L3MBTL4: variants seen among roughly 807,000 people sequenced by gnomAD.
The protein encoded by L3MBTL4 is lethal(3)malignant brain tumor-like protein 4.
Under a neutral mutation model 84.5 loss-of-function variants are expected in L3MBTL4, and 70 were observed. The ratio of observed to expected loss-of-function variants is 0.83; its 90% CI spans 0.68 to 1.01. The LOEUF (loss-of-function observed/expected upper bound fraction) is 1.01, where lower values mean the gene tolerates loss of function less well. Among genes scored for constraint, L3MBTL4 ranks in the 50% least tolerant of loss-of-function variants. L3MBTL4 has a pLI of 0.00. For missense variants in L3MBTL4, 715 were observed against 754.8 expected (o/e 0.95, Z 0.62); for synonymous variants, 274 against 259.8 (o/e 1.05, Z -0.52).
At chr18:6,305,569 C>T (rs915212438) in intron 3 of L3MBTL4, among the ~76,000 whole-genome samples, 3 of 152,112 alleles carry the variant, frequency 2.0e-5, no homozygotes, top group Non-Finnish European at 2.9e-5. Flanking sequence ...ACCATTACTG[C>T]GATTTCTCAG....
In L3MBTL4 at chr18:6,075,182, C is replaced by T. The variant is rs539219671; in HGVS notation, c.1444+5699G>A. The stretch of plus-strand genomic sequence containing the variant: ...TGTATGATGTGTGTGTGTAAGTGAA[C>T]AAGCTGATAAGAAATGTAAAGGAAC... On this transcript the variant is annotated intron_variant, in intron 16 of 18. Coordinates refer to ENST00000317931, the MANE Select transcript of L3MBTL4 (RefSeq NM_001330559.2). Among the ~76,000 whole-genome samples, 4 of 152,122 alleles carry T rather than the reference C, an allele frequency of 2.6e-5. No homozygotes were observed. The South Asian group carries it at 8.3e-4, about 32-fold the overall frequency.
chr18:6,233,032 C>T (rs1027402414), intron 10 of L3MBTL4, among the ~76,000 whole-genome samples: 6 of 152,114 alleles, frequency 3.9e-5, no homozygotes, highest in South Asian at 4.1e-4. Context: ...AATCAATAAA[C>T]GTAATCCAGC....
chr18:6,169,973 A>T (rs1436089111), intron 13 of L3MBTL4, among the ~76,000 whole-genome samples: 1 of 152,192 alleles, frequency 6.6e-6, no homozygotes, highest in Non-Finnish European at 1.5e-5. Context: ...AGAATGTCAC[A>T]TTATTTCCTG....
intron 5 of L3MBTL4, among the ~76,000 whole-genome samples, chr18:6,249,489 T>A (rs926506536): frequency 6.6e-6 from 1 of 152,208 alleles, no homozygotes; most frequent in African/African-American, 2.4e-5. Context: ...GGTTTCCCAA[T>A]GGAACATTTG....
At chr18:6,055,386 T>G (rs1257995189) in intron 16 of L3MBTL4, among the ~76,000 whole-genome samples, 4 of 152,326 alleles carry the variant, frequency 2.6e-5, no homozygotes, top group South Asian at 2.1e-4. Context: ...AAGGCTGGGA[T>G]AGAGGTGTAG....
At chr18:6,011,647 C>A (rs1178542441) in intron 16 of L3MBTL4, among the ~76,000 whole-genome samples, 4 of 152,192 alleles carry the variant, frequency 2.6e-5, no homozygotes, top group Admixed American at 6.5e-5. Flanking sequence ...GTGAAGGCAG[C>A]GACATATCAT....
intron 12 of L3MBTL4, among the ~76,000 whole-genome samples, chr18:6,189,486 T>C (rs1299904211): frequency 2.6e-5 from 4 of 152,178 alleles, no homozygotes; most frequent in Admixed American, 6.5e-5. Flanking sequence ...TTGGCTCTTT[T>C]ATTCACAACA....
chr18:6,294,821 G>A (rs1287846534), intron 4 of L3MBTL4, among the ~76,000 whole-genome samples: 2 of 152,212 alleles, frequency 1.3e-5, no homozygotes, highest in Non-Finnish European at 2.9e-5. Context: ...GAGAGACTTA[G>A]TATTGTCTTC....
At chr18:6,269,943 G>T (rs555030335) in intron 4 of L3MBTL4, among the ~76,000 whole-genome samples, 1 of 152,286 alleles carries the variant, frequency 6.6e-6, no homozygotes, top group South Asian at 2.1e-4. Context: ...CATTCTTAAG[G>T]ATACAACCAG....
intron 16 of L3MBTL4, among the ~76,000 whole-genome samples, chr18:5,988,109 G>A (rs1307321143): frequency 6.6e-6 from 1 of 152,226 alleles, no homozygotes; most frequent in Non-Finnish European, 1.5e-5. Context: ...AGCTGCCAGA[G>A]ATGGCAGAGA....
At chr18:5,976,984 G>A (rs2052966378) in intron 16 of L3MBTL4, among the ~76,000 whole-genome samples, 1 of 152,074 alleles carries the variant, frequency 6.6e-6, no homozygotes, top group Admixed American at 6.5e-5. Flanking sequence ...GGAGTCTCTG[G>A]ACTCCGGAGG....
At chr18:5,978,808 G>A (rs762274890) in intron 16 of L3MBTL4, among the ~76,000 whole-genome samples, 18 of 152,188 alleles carry the variant, frequency 1.2e-4, no homozygotes, top group Admixed American at 4.6e-4. Context: ...GTTAGCCCTG[G>A]CTTCAGCTAT....
At chr18:6,238,109 A>G in intron 9 of L3MBTL4, 69 bp from the exon 10 acceptor site, 7 of 1,321,796 alleles carry the variant, frequency 5.3e-6, no homozygotes, top group Non-Finnish European at 7.7e-6. Context: ...AAGAGTAACA[A>G]TCATTCTGGA....
intron 1 of L3MBTL4, among the ~76,000 whole-genome samples, chr18:6,317,295 T>C (rs1319864091): frequency 1.3e-5 from 2 of 152,002 alleles, no homozygotes; most frequent in African/African-American, 4.8e-5. Flanking sequence ...AAAGGTTGAT[T>C]ACTAAGCTAC....
At chr18:6,006,528 T>C (rs2054495455) in intron 16 of L3MBTL4, among the ~76,000 whole-genome samples, 1 of 152,096 alleles carries the variant, frequency 6.6e-6, no homozygotes, top group Non-Finnish European at 1.5e-5. Flanking sequence ...TTCTCACTAA[T>C]ATAAAAAAAC....
intron 4 of L3MBTL4, among the ~76,000 whole-genome samples, chr18:6,285,648 T>C (rs2049539821): frequency 6.6e-6 from 1 of 151,996 alleles, no homozygotes; most frequent in South Asian, 2.1e-4. Context: ...CAAGCCCTGC[T>C]GCTGAAGTCA....
intron 13 of L3MBTL4, among the ~76,000 whole-genome samples, chr18:6,151,308 C>T (rs112101050): frequency 5.3e-5 from 8 of 152,272 alleles, no homozygotes; most frequent in Admixed American, 1.3e-4. Context: ...GACAAAAATT[C>T]AAGGTTTGTA....
intron 1 of L3MBTL4, among the ~76,000 whole-genome samples, chr18:6,345,856 T>C (rs1393350288): frequency 5.3e-5 from 8 of 151,904 alleles, no homozygotes; most frequent in African/African-American, 1.9e-4. Flanking sequence ...AAAAGACCAC[T>C]AATAGCCAAA....
intron 1 of L3MBTL4, among the ~76,000 whole-genome samples, chr18:6,334,512 T>C (rs1212883445): frequency 6.6e-6 from 1 of 152,136 alleles, no homozygotes; most frequent in Non-Finnish European, 1.5e-5. Context: ...TCAAAAATGA[T>C]AATAAAAATA....
Sources: allele counts gnomAD v4.1 joint callset (sites outside exome capture counted in the v4.1 genomes callset), GRCh38; gene constraint gnomAD v4.1.1; transcripts MANE v1.5; gene names NCBI Gene and HGNC (gene_info 2026-07-23, HGNC 2026-07-21).